Variants in PTH2R observed in about 807,000 individuals in gnomAD.
PTH2R encodes the protein PTH2 receptor.
Under a neutral mutation model 60.3 loss-of-function variants are expected in PTH2R, and 59 were observed. That is an observed-to-expected ratio of 0.98 (90% CI 0.79 to 1.22). The LOEUF is 1.22. PTH2R is among the 50% of genes most tolerant of loss of function. The pLI, the probability that PTH2R is intolerant of heterozygous loss-of-function variation, is 0.00. For missense variants in PTH2R, 749 were observed against 682.6 expected (o/e 1.10, Z -1.08); for synonymous variants, 256 against 243.8 (o/e 1.05, Z -0.47).
intron 6 of PTH2R, among the ~76,000 whole-genome samples, chr2:208,444,491 G>A (rs2105872909): frequency 6.6e-6 from 1 of 152,126 alleles, no homozygotes; most frequent in East Asian, 1.9e-4. Context: ...ATTGAGAAAA[G>A]GTGATTTTTT....
chr2:208,396,690 G>A (rs538181928), intron 1 of PTH2R, among the ~76,000 whole-genome samples: 14 of 152,276 alleles, frequency 9.2e-5, no homozygotes, highest in African/African-American at 7.2e-5. Context: ...AAATAGGAAC[G>A]CTTTTACGCT....
chr2:208,408,740 A>AGAGAAAG (rs1553542827), intron 1 of PTH2R, among the ~76,000 whole-genome samples: 78 of 123,356 alleles, frequency 6.3e-4, no homozygotes, highest in Non-Finnish European at 3.3e-4. Flanking sequence ...GAGAGAGAGA[A>AGAGAAAG]AGAGAGAGAG....
chr2:208,437,492 T>C, intron 2 of PTH2R, 45 bp from the exon 3 acceptor site: 2 of 1,513,930 alleles, frequency 1.3e-6, no homozygotes, highest in Non-Finnish European at 1.8e-6. Context: ...TGGTTCTAAC[T>C]ACATTTTTCT....
At chr2:208,377,968 G>A (rs955955057) in intron 1 of PTH2R, among the ~76,000 whole-genome samples, 19 of 152,010 alleles carry the variant, frequency 1.2e-4, no homozygotes, top group Non-Finnish European at 4.4e-5. Flanking sequence ...TCCCAGACGG[G>A]GTGGCGGCCA....
chr2:208,360,496 G>A, intron 1 of PTH2R: 1 of 169,008 alleles, frequency 5.9e-6, no homozygotes, highest in South Asian at 1.3e-4. Context: ...CTGTGCTTGT[G>A]CGGCGAGTGG....
chr2:208,476,184 T>G (rs1702999110), intron 9 of PTH2R, among the ~76,000 whole-genome samples: 1 of 152,172 alleles, frequency 6.6e-6, no homozygotes, highest in Admixed American at 6.6e-5. Flanking sequence ...AGGTACATGC[T>G]TCTCAGCTGC....
At position 208,493,658 on chromosome 2, in the gene PTH2R, G is replaced by T. The variant is rs142564922; in HGVS notation, c.1652G>T (p.Ter551LeuextTer6). The T allele has an allele frequency of 1.0e-4, 159 of 1,538,878 alleles. No homozygotes were observed. The highest frequency in any genetic ancestry group is 1.4e-4 in the Admixed American group (7 of 51,540). Residue 551 changes from the stop codon to leucine, a stop_lost, in exon 13 of 13, where the codon TGA becomes TTA. Transcript: ENST00000272847. ...CAAGGAGAAACTGAGGATGTTCTCTGAATGGACATTTGTGGCTGACTTTCA... is the reference window on the plus strand; with the variant it reads ...CAAGGAGAAACTGAGGATGTTCTCTTAATGGACATTTGTGGCTGACTTTCA... ...GCQGETEDVL[*>L]
At chr2:208,379,729 G>A (rs540651422) in intron 1 of PTH2R, among the ~76,000 whole-genome samples, 1 of 151,968 alleles carries the variant, frequency 6.6e-6, no homozygotes, top group South Asian at 2.1e-4. Flanking sequence ...GTGTGGTGGT[G>A]TGCGCCTGTA....
chr2:208,375,316 C>A (rs909780409), intron 1 of PTH2R, among the ~76,000 whole-genome samples: 1 of 151,954 alleles, frequency 6.6e-6, no homozygotes, highest in African/African-American at 2.4e-5. Flanking sequence ...ATTTCAAGTA[C>A]CTTGAGAAGG....
chr2:208,360,086 G>C (rs966452859), exon 1 of PTH2R: 16 of 387,542 alleles, frequency 4.1e-5, no homozygotes, highest in African/African-American at 3.2e-4. Flanking sequence ...TTTAAAAACG[G>C]AGAGTTTTTA....
chr2:208,363,736 T>C (rs1335188301), intron 1 of PTH2R, among the ~76,000 whole-genome samples: 2 of 152,238 alleles, frequency 1.3e-5, no homozygotes, highest in Non-Finnish European at 2.9e-5. Context: ...CGTATCTCTC[T>C]GTGGTTTTGA....
chr2:208,473,597 C>T (rs905431295), intron 9 of PTH2R, among the ~76,000 whole-genome samples: 1 of 152,040 alleles, frequency 6.6e-6, no homozygotes, highest in Non-Finnish European at 1.5e-5. Context: ...AGAAGTGTAC[C>T]GTATTGCATT....
chr2:208,360,328 C>G (rs1211222643), intron 1 of PTH2R: 2 of 318,744 alleles, frequency 6.3e-6, no homozygotes, highest in Middle Eastern at 7.1e-4. Context: ...TCGCCACACC[C>G]GGAGCGGCGG....
intron 1 of PTH2R, among the ~76,000 whole-genome samples, chr2:208,370,374 C>T (rs764360307): frequency 4.2e-4 from 50 of 120,272 alleles, no homozygotes; most frequent in Non-Finnish European, 6.9e-4. Context: ...ACATGGGAGG[C>T]GGAGCTTGCA....
At chr2:208,460,780 T>C (rs567575792) in intron 9 of PTH2R, among the ~76,000 whole-genome samples, 3 of 152,312 alleles carry the variant, frequency 2.0e-5, no homozygotes, top group African/African-American at 7.2e-5. Context: ...GTAATACATA[T>C]TACAAGCATT....
At chr2:208,436,688 AAC>A (rs1702081195) in intron 2 of PTH2R, among the ~76,000 whole-genome samples, 1 of 152,162 alleles carries the variant, frequency 6.6e-6, no homozygotes, top group African/African-American at 2.4e-5. Context: ...TACCTCAGGG[AAC>A]ACAGAGTGCA....
chr2:208,464,389 C>T (rs1427980346), intron 9 of PTH2R, among the ~76,000 whole-genome samples: 1 of 152,210 alleles, frequency 6.6e-6, no homozygotes, highest in African/African-American at 2.4e-5. Context: ...GTTAGCACCC[C>T]TGTGGTGAAC....
intron 8 of PTH2R, among the ~76,000 whole-genome samples, chr2:208,458,534 A>G (rs910119116): frequency 2.0e-5 from 3 of 152,118 alleles, no homozygotes; most frequent in Admixed American, 6.5e-5. Flanking sequence ...TGTACATAAT[A>G]TTACATCACC....
At chr2:208,362,353 A>G (rs1700490950) in intron 1 of PTH2R, among the ~76,000 whole-genome samples, 1 of 152,326 alleles carries the variant, frequency 6.6e-6, no homozygotes, top group African/African-American at 2.4e-5. Context: ...TGTATCTATA[A>G]TTCATATAGA....
Sources: allele counts gnomAD v4.1 joint callset (sites outside exome capture counted in the v4.1 genomes callset), GRCh38; gene constraint gnomAD v4.1.1; transcripts MANE v1.5; gene names NCBI Gene and HGNC (gene_info 2026-07-23, HGNC 2026-07-21).